LAMA2: variants seen among roughly 807,000 people sequenced by gnomAD.
LAMA2 encodes the protein laminin subunit alpha 2.
In LAMA2, 269 loss-of-function variants were observed where a neutral mutation model predicts 364.8. The observed-to-expected ratio is 0.74, with a 90% CI of 0.67 to 0.82. The LOEUF (loss-of-function observed/expected upper bound fraction) is 0.82, where lower values mean the gene tolerates loss of function less well. Among genes scored for constraint, LAMA2 ranks in the 40% least tolerant of loss-of-function variants. The pLI is 0.00. For missense variants in LAMA2, 3,807 were observed against 3,873.2 expected (o/e 0.98, Z 0.45); for synonymous variants, 1,379 against 1,370.6 (o/e 1.01, Z -0.14).
At chr6:129,292,356 A>C (rs1789764850) in intron 20 of LAMA2, among the ~76,000 whole-genome samples, 1 of 152,192 alleles carries the variant, frequency 6.6e-6, no homozygotes, top group African/African-American at 2.4e-5. Context: ...AAAAAACAAA[A>C]CAAACCAAAA....
At chr6:129,018,063 G>A (rs993772402) in intron 1 of LAMA2, among the ~76,000 whole-genome samples, 2 of 151,588 alleles carry the variant, frequency 1.3e-5, no homozygotes, top group African/African-American at 4.8e-5. Flanking sequence ...AAAAACTACA[G>A]ACTTTGTCAA....
chr6:129,337,433 G>A (rs995229043), intron 29 of LAMA2, among the ~76,000 whole-genome samples: 1 of 152,064 alleles, frequency 6.6e-6, no homozygotes, highest in African/African-American at 2.4e-5. Context: ...TAGGAAAAGG[G>A]AATTAGACTT....
chr6:129,167,771 C>T (rs1779856324), intron 9 of LAMA2, among the ~76,000 whole-genome samples: 1 of 151,786 alleles, frequency 6.6e-6, no homozygotes, highest in East Asian at 1.9e-4. Context: ...AGTTTACAGT[C>T]CCACCAACAG....
At chr6:129,377,790 G>A (rs578039825) in intron 34 of LAMA2, among the ~76,000 whole-genome samples, 1 of 152,210 alleles carries the variant, frequency 6.6e-6, no homozygotes, top group Non-Finnish European at 1.5e-5. Flanking sequence ...AAACACACTG[G>A]TCATATCCAA....
chr6:129,146,862 TA>T, intron 5 of LAMA2, 96 bp from the exon 6 acceptor site: 1 of 826,258 alleles, frequency 1.2e-6, no homozygotes, highest in Non-Finnish European at 2.1e-6. Flanking sequence ...AAACTAAGGA[TA>T]AAAGCAGAAA....
At position 129,260,819 on chromosome 6, in the gene LAMA2, T is replaced by C. The variant is rs1477530023; in HGVS notation, c.2205T>C (p.Cys735=). The C allele has an allele frequency of 6.4e-7, 1 of 1,564,740 alleles. No homozygotes were observed. Among genetic ancestry groups the C allele is most frequent in the Non-Finnish European group, 8.8e-7 (1 of 1,135,348 alleles). ...QCPPGYTGSS[C]ESCWPRHRRV... ...CACCAGGGTATACTGGCTCCTCTTG[T>C]GAAGTAAGCTTGCAAGAATGTATCC... Residue 735 remains cysteine, a synonymous_variant, in exon 15 of 65, where the codon TGT becomes TGC. Transcript: ENST00000421865.
At chr6:129,252,363 C>A in intron 14 of LAMA2, 68 bp downstream of exon 14, 1 of 1,226,540 alleles carries the variant, frequency 8.2e-7, no homozygotes, top group Non-Finnish European at 1.2e-6. Context: ...GGAGCCGCCC[C>A]AGGAGTGAAT....
intron 1 of LAMA2, chr6:128,929,836 G>A: frequency 9.7e-7 from 1 of 1,031,496 alleles, no homozygotes; most frequent in Non-Finnish European, 1.5e-6. Context: ...GCAGTCCCTT[G>A]TAAGTGAAAA....
At chr6:129,237,317 T>TATA (rs1319551879) in intron 12 of LAMA2, among the ~76,000 whole-genome samples, 1 of 135,090 alleles carries the variant, frequency 7.4e-6, no homozygotes, top group Admixed American at 8.1e-5. Flanking sequence ...CAAACGTTGT[T>TATA]ATACATTGTT....
chr6:129,362,401 A>ACCTCTTC (rs2114611772), intron 32 of LAMA2, among the ~76,000 whole-genome samples: 1 of 151,794 alleles, frequency 6.6e-6, no homozygotes, highest in South Asian at 2.1e-4. Flanking sequence ...GCCAACCCCA[A>ACCTCTTC]CCTCTTCCCT....
At chr6:129,227,778 G>A (rs1424753021) in intron 12 of LAMA2, among the ~76,000 whole-genome samples, 2 of 152,226 alleles carry the variant, frequency 1.3e-5, no homozygotes, top group African/African-American at 4.8e-5. Flanking sequence ...AGGGCTCAGG[G>A]ATCCACTTGA....
chr6:128,909,198 T>G (rs1332371836), intron 1 of LAMA2, among the ~76,000 whole-genome samples: 2 of 152,092 alleles, frequency 1.3e-5, no homozygotes, highest in African/African-American at 4.8e-5. Flanking sequence ...CCTTGTTGAC[T>G]TTCTGTCTCG....
At chr6:129,240,045 G>A (rs1237567932) in intron 12 of LAMA2, among the ~76,000 whole-genome samples, 7 of 152,208 alleles carry the variant, frequency 4.6e-5, no homozygotes, top group Admixed American at 2.6e-4. Flanking sequence ...CCGAAGGCCC[G>A]AGAGCCCGTG....
intron 34 of LAMA2, among the ~76,000 whole-genome samples, chr6:129,378,232 A>G (rs992192422): frequency 6.6e-6 from 1 of 152,228 alleles, no homozygotes; most frequent in Non-Finnish European, 1.5e-5. Context: ...AAGGATGACT[A>G]AGAGATGGAG....
intron 6 of LAMA2, among the ~76,000 whole-genome samples, chr6:129,148,254 CAGAAAACCAAACACTATATG>C (rs1778588079): frequency 6.6e-6 from 1 of 152,006 alleles, no homozygotes; most frequent in South Asian, 2.1e-4. Flanking sequence ...AACACAGGAA[CAGAAAACCAAACACTATATG>C]TTCTCACTCA....
intron 4 of LAMA2, among the ~76,000 whole-genome samples, chr6:129,143,622 G>C (rs1244810558): frequency 6.6e-6 from 1 of 151,992 alleles, no homozygotes; most frequent in Admixed American, 6.6e-5. Flanking sequence ...TCTTAGGAAG[G>C]TCGAATTGAC....
intron 12 of LAMA2, among the ~76,000 whole-genome samples, chr6:129,238,606 AG>A (rs1484633849): frequency 2.0e-5 from 3 of 149,888 alleles, no homozygotes; most frequent in Admixed American, 6.6e-5. Flanking sequence ...AGAGAGAGAA[AG>A]CCCAAGAGTG....
rs1169919224 is a variant in LAMA2, at chr6:129,492,502, C to A, written c.8244+19C>A. On this transcript the variant is annotated intron_variant, in intron 58 of 64. Coordinates refer to ENST00000421865, the MANE Select transcript of LAMA2 (RefSeq NM_000426.4). ...GACACATGTAAGTGTTTATATTATC[C>A]CCATTGCTTTCTAATTTTTACCCAG... is the stretch of plus-strand genomic sequence containing the variant. The A allele has an allele frequency of 6.2e-7, 1 of 1,609,638 alleles. No homozygotes were observed. The highest frequency in any genetic ancestry group is 2.2e-5 in the East Asian group (1 of 44,820).
intron 3 of LAMA2, among the ~76,000 whole-genome samples, chr6:129,096,872 A>G (rs753386066): frequency 6.6e-6 from 1 of 152,250 alleles, no homozygotes; most frequent in Non-Finnish European, 1.5e-5. Context: ...GAATAGCATC[A>G]GAGCCACCTG....
Sources: allele counts gnomAD v4.1 joint callset (sites outside exome capture counted in the v4.1 genomes callset), GRCh38; gene constraint gnomAD v4.1.1; transcripts MANE v1.5; gene names NCBI Gene and HGNC (gene_info 2026-07-23, HGNC 2026-07-21).